Variants in ACSS1 observed in about 807,000 individuals in gnomAD.
The protein encoded by ACSS1 is acyl-CoA synthetase short chain family member 1, also known as acetyl-coenzyme A synthetase 2-like, mitochondrial.
In ACSS1, 42 loss-of-function variants were observed where a neutral mutation model predicts 75.3. The observed-to-expected ratio is 0.56, with a 90% CI of 0.44 to 0.72. ACSS1 has a LOEUF of 0.72. ACSS1 is among the 30% of genes least tolerant of loss of function. The pLI is 0.00. For missense variants in ACSS1, 782 were observed against 935.7 expected (o/e 0.84, Z 2.14); for synonymous variants, 380 against 376.8 (o/e 1.01, Z -0.10).
At chr20:25,050,335 G>C (rs571104787) in intron 1 of ACSS1, among the ~76,000 whole-genome samples, 1 of 152,088 alleles carries the variant, frequency 6.6e-6, no homozygotes, top group African/African-American at 2.4e-5. Context: ...ACTCTATGAT[G>C]CTATGACAAG....
chr20:25,032,638 G>C, intron 2 of ACSS1: 1 of 1,227,186 alleles, frequency 8.1e-7, no homozygotes, highest in Non-Finnish European at 1.0e-6. Flanking sequence ...CCCTCCTCGG[G>C]CTCTCAAGGC....
intron 2 of ACSS1, among the ~76,000 whole-genome samples, chr20:25,034,870 C>A (rs1318949992): frequency 6.6e-6 from 1 of 151,592 alleles, no homozygotes; most frequent in African/African-American, 2.4e-5. Context: ...CACGCCAGGC[C>A]GACCATATGG....
chr20:25,025,366 G>A (rs2088697637), intron 3 of ACSS1, among the ~76,000 whole-genome samples: 1 of 152,250 alleles, frequency 6.6e-6, no homozygotes, highest in Non-Finnish European at 1.5e-5. Flanking sequence ...CTGGGCCACA[G>A]CATGGGTGCT....
rs1448465315 is a variant in ACSS1 at position 25,023,636 on chromosome 20, A to G, written c.637T>C (p.Cys213Arg). The G allele has an allele frequency of 1.2e-6, 2 of 1,601,878 alleles. No homozygotes were observed. The highest frequency in any genetic ancestry group is 3.4e-5 in the Admixed American group (2 of 59,308). The part of the protein sequence containing the change: ...SLAGRINDAK[C>R]KVVITFNQGL... ...TGGTTGAAGGTGATAACCACCTTGCACTTGGCTAACAGAGACAACACAGAC... is the reference window on the plus strand; with the variant it reads ...TGGTTGAAGGTGATAACCACCTTGCGCTTGGCTAACAGAGACAACACAGAC... The change falls in exon 4 of 14, where the codon TGC becomes CGC. Residue 213 changes from cysteine to arginine, a missense_variant. Transcript: ENST00000323482.
At chr20:25,026,524 C>T (rs1485420951) in intron 3 of ACSS1, among the ~76,000 whole-genome samples, 1 of 152,212 alleles carries the variant, frequency 6.6e-6, no homozygotes, top group Non-Finnish European at 1.5e-5. Flanking sequence ...GACAGGCCCA[C>T]CAGTCCCCAA....
intron 12 of ACSS1, chr20:25,010,724 G>A (rs2122581132): frequency 6.6e-6 from 1 of 152,472 alleles, no homozygotes; most frequent in South Asian, 2.1e-4. Context: ...AGTGGGCCTG[G>A]ACTGTTGAGT....
At chr20:25,045,238 A>C (rs76370406) in intron 2 of ACSS1, among the ~76,000 whole-genome samples, 11,294 of 152,292 alleles carry the variant, frequency 0.074, 579 homozygotes, top group Non-Finnish European at 0.11. Flanking sequence ...GGAGCTGCAC[A>C]AGGTCACAGG....
At chr20:25,029,877 G>A (rs2088791707) in intron 3 of ACSS1, among the ~76,000 whole-genome samples, 2 of 152,252 alleles carry the variant, frequency 1.3e-5, no homozygotes, top group African/African-American at 4.8e-5. Context: ...TACTTATGAA[G>A]AGTAAGGTAA....
intron 1 of ACSS1, among the ~76,000 whole-genome samples, chr20:25,053,222 C>T (rs914325813): frequency 6.9e-6 from 1 of 145,052 alleles, no homozygotes; most frequent in Non-Finnish European, 1.5e-5. Flanking sequence ...CACCACCACG[C>T]TCGGCTAATT....
At chr20:25,034,404 T>C (rs1461691376) in intron 2 of ACSS1, among the ~76,000 whole-genome samples, 1 of 152,074 alleles carries the variant, frequency 6.6e-6, no homozygotes, top group East Asian at 1.9e-4. Context: ...TCCTTGCCCC[T>C]CATCCTCTTG....
At position 25,007,000 on chromosome 20, in the gene ACSS1, A is replaced by C; in HGVS notation, c.*762T>G. 1 of 1,532,092 alleles carries C rather than the reference A, an allele frequency of 6.5e-7. No homozygotes were observed. The highest frequency in any genetic ancestry group is 8.7e-7 in the Non-Finnish European group (1 of 1,144,776). 94.9% of individuals were successfully genotyped at this position (1,532,092 alleles called of 1,614,324 possible). ...TCACAGCTTGAAGAAACAGAACATAACTGGAGTAGCTTCAGAACTAAGGCG... is the reference window on the plus strand; with the variant it reads ...TCACAGCTTGAAGAAACAGAACATACCTGGAGTAGCTTCAGAACTAAGGCG... On this transcript the variant is annotated 3_prime_UTR_variant, in exon 14 of 14. Transcript: ENST00000323482.
At chr20:25,034,598 C>T (rs992900401) in intron 2 of ACSS1, among the ~76,000 whole-genome samples, 7 of 151,500 alleles carry the variant, frequency 4.6e-5, no homozygotes, top group Admixed American at 1.3e-4. Context: ...GGTGGAGTTT[C>T]GCTCTTGTTG....
chr20:25,055,670 T>G (rs891801452), intron 1 of ACSS1, among the ~76,000 whole-genome samples: 1 of 152,144 alleles, frequency 6.6e-6, no homozygotes, highest in Non-Finnish European at 1.5e-5. Context: ...TCAAAAGTTC[T>G]CAGGTAATGC....
intron 8 of ACSS1, 108 bp downstream of exon 8, chr20:25,015,030 C>A (rs570676847): frequency 7.3e-5 from 67 of 921,244 alleles, no homozygotes; most frequent in Non-Finnish European, 1.0e-4. Flanking sequence ...GGCGTTGAAG[C>A]GTCTTCTATC....
chr20:25,024,763 A>C (rs1041076283), intron 3 of ACSS1, among the ~76,000 whole-genome samples: 1 of 152,204 alleles, frequency 6.6e-6, no homozygotes, highest in African/African-American at 2.4e-5. Flanking sequence ...ACTTTTGCAC[A>C]ACAGGCCCAC....
chr20:25,022,579 T>C (rs956116764), intron 5 of ACSS1, among the ~76,000 whole-genome samples: 1 of 152,244 alleles, frequency 6.6e-6, no homozygotes, highest in Non-Finnish European at 1.5e-5. Context: ...CACTTCTTGA[T>C]CAAAGTGGCA....
intron 1 of ACSS1, among the ~76,000 whole-genome samples, chr20:25,057,067 G>A (rs546542742): frequency 6.6e-6 from 1 of 152,226 alleles, no homozygotes; most frequent in South Asian, 2.1e-4. Flanking sequence ...TCAACTGTTT[G>A]GGGCCGACGT....
chr20:25,027,210 T>A (rs1207205711), intron 3 of ACSS1, among the ~76,000 whole-genome samples: 3 of 152,228 alleles, frequency 2.0e-5, no homozygotes, highest in African/African-American at 7.2e-5. Flanking sequence ...GTGAATTCTA[T>A]GAAATATTTA....
At chr20:25,053,060 CTTTTT>C (rs1171891974) in intron 1 of ACSS1, among the ~76,000 whole-genome samples, 1 of 118,138 alleles carries the variant, frequency 8.5e-6, no homozygotes. Flanking sequence ...TCACAATGAG[CTTTTT>C]TTTTTTTTTT....
Sources: gnomAD v4.1 joint callset for allele counts (sites outside exome capture counted in the v4.1 genomes callset) on GRCh38, gnomAD v4.1.1 for gene constraint, MANE v1.5 for transcripts, NCBI Gene and HGNC (gene_info 2026-07-23, HGNC 2026-07-21) for gene names.